DCDC1: variants seen among roughly 807,000 people sequenced by gnomAD.
DCDC1 encodes the protein doublecortin domain-containing protein 1.
Under a neutral mutation model 178.3 loss-of-function variants are expected in DCDC1, and 200 were observed. That is an observed-to-expected ratio of 1.12 (90% confidence interval 1.00 to 1.26). DCDC1 has a LOEUF of 1.26. DCDC1 is among the 50% of genes most tolerant of loss of function. The probability of loss-of-function intolerance (pLI) is 0.00; values close to 1 mark genes in which losing one functional copy is unlikely to be tolerated. For synonymous variants in DCDC1, 690 were observed against 604.8 expected (o/e 1.14, Z -2.07); for missense variants, 1,983 against 1,749.2 (o/e 1.13, Z -2.38).
At chr11:30,963,022 A>C (rs535990685) in intron 20 of DCDC1, among the ~76,000 whole-genome samples, 1 of 152,104 alleles carries the variant, frequency 6.6e-6, no homozygotes, top group Non-Finnish European at 1.5e-5. Flanking sequence ...TTCATCACCT[A>C]TCTGGGCTTG....
chr11:31,367,642 A>T (rs1371096467), intron 1 of DCDC1, among the ~76,000 whole-genome samples: 1 of 152,244 alleles, frequency 6.6e-6, no homozygotes, highest in African/African-American at 2.4e-5. Context: ...GAAATGTGCT[A>T]GTTCAAATTG....
intron 20 of DCDC1, among the ~76,000 whole-genome samples, chr11:31,036,688 T>C (rs1046898102): frequency 6.6e-6 from 1 of 152,218 alleles, no homozygotes; most frequent in Non-Finnish European, 1.5e-5. Flanking sequence ...GTCCCTTATA[T>C]ATTTTATATA....
At chr11:31,116,952 A>G (rs176372) in intron 11 of DCDC1, among the ~76,000 whole-genome samples, 106,209 of 151,938 alleles carry the variant, frequency 0.7, 38,224 homozygotes, top group East Asian at 0.96. Flanking sequence ...CCATTGTAAG[A>G]TATAGCAGAG....
At chr11:30,907,390 G>A (rs1194269892) in intron 29 of DCDC1, among the ~76,000 whole-genome samples, 1 of 152,140 alleles carries the variant, frequency 6.6e-6, no homozygotes, top group Admixed American at 6.5e-5. Flanking sequence ...CTTTTAAAAT[G>A]TGACAGTTTT....
intron 7 of DCDC1, among the ~76,000 whole-genome samples, chr11:31,279,753 C>T (rs990571179): frequency 3.3e-5 from 5 of 151,916 alleles, no homozygotes; most frequent in South Asian, 2.1e-4. Flanking sequence ...GGGGGCTAGG[C>T]GAGGGATAAC....
rs1214185020 is a variant in DCDC1, at chr11:30,891,896, CA to C, written c.5082+921del. Among the ~76,000 whole-genome samples the C allele has an allele frequency of 4.6e-5, 7 of 152,202 alleles. No individual in the cohort carries two copies. In the East Asian group the frequency reaches 1.4e-3, roughly 29 times the overall value. On this transcript the variant is annotated intron_variant, in intron 36 of 38. Transcript: ENST00000684477. ...TACACTTTGTAACTGGATTAATGTC[CA>C]GGGGCAGAACCATCTCAGGTGGCCC...
intron 17 of DCDC1, among the ~76,000 whole-genome samples, chr11:31,086,897 C>G (rs1957513797): frequency 6.6e-6 from 1 of 152,030 alleles, no homozygotes; most frequent in Admixed American, 6.6e-5. Flanking sequence ...TGCTGACCCC[C>G]TAGAATCAGA....
intron 10 of DCDC1, among the ~76,000 whole-genome samples, chr11:31,136,474 A>G (rs1401334681): frequency 6.6e-6 from 1 of 152,170 alleles, no homozygotes; most frequent in African/African-American, 2.4e-5. Context: ...TAGAATTTAC[A>G]CAGGAAAATT....
At chr11:31,036,108 T>C (rs1278933512) in intron 20 of DCDC1, among the ~76,000 whole-genome samples, 1 of 152,192 alleles carries the variant, frequency 6.6e-6, no homozygotes, top group Non-Finnish European at 1.5e-5. Flanking sequence ...CGCTGTGAAG[T>C]CGCTCTACTC....
chr11:31,325,711 A>T (rs1949609133), intron 3 of DCDC1, among the ~76,000 whole-genome samples: 3 of 152,166 alleles, frequency 2.0e-5, no homozygotes. Flanking sequence ...ATATATATAC[A>T]TATATATGTA....
At chr11:31,026,815 GA>G (rs1164603082) in intron 20 of DCDC1, among the ~76,000 whole-genome samples, 1 of 151,584 alleles carries the variant, frequency 6.6e-6, no homozygotes, top group Non-Finnish European at 1.5e-5. Flanking sequence ...CTTTTTGATG[GA>G]AAAAATATTA....
At chr11:30,903,364 A>G in intron 32 of DCDC1, 118 bp downstream of exon 32, 1 of 1,048,778 alleles carries the variant, frequency 9.5e-7, no homozygotes, top group South Asian at 2.7e-5. Flanking sequence ...CGGGTCACAA[A>G]AGTAGCTTCC....
At chr11:30,955,176 C>A (rs976590210) in intron 20 of DCDC1, among the ~76,000 whole-genome samples, 1 of 152,140 alleles carries the variant, frequency 6.6e-6, no homozygotes, top group Non-Finnish European at 1.5e-5. Flanking sequence ...CTCATTCACA[C>A]GTCAATATCT....
chr11:31,078,415 A>C (rs1054488188), intron 17 of DCDC1, among the ~76,000 whole-genome samples: 75 of 152,324 alleles, frequency 4.9e-4, no homozygotes, highest in African/African-American at 1.8e-3. Context: ...GAAAAAACTA[A>C]AATGTGATGA....
chr11:30,899,643 C>T lies in DCDC1; in HGVS notation c.4664-1G>A. 1 of 1,527,702 alleles carries T rather than the reference C, an allele frequency of 6.5e-7. No homozygotes were observed. The highest frequency in any genetic ancestry group is 8.8e-7 in the Non-Finnish European group (1 of 1,138,002). The allele number at this position is 1,527,702 out of a possible 1,614,324, so 94.6% of individuals were successfully genotyped here. On this transcript the variant is annotated splice_acceptor_variant, in intron 33 of 38. Coordinates refer to ENST00000684477, the MANE Select transcript of DCDC1 (RefSeq NM_001387274.1). LOFTEE classifies it high-confidence loss of function. ...TCTAATTTTTCTGCTTTCTGCAAAG[C>T]TAGAATAATAAAAATACAAGATATT...
At chr11:31,217,209 T>A (rs997666101) in intron 9 of DCDC1, among the ~76,000 whole-genome samples, 2 of 152,126 alleles carry the variant, frequency 1.3e-5, no homozygotes, top group African/African-American at 4.8e-5. Flanking sequence ...AGATAAATTA[T>A]GGGAAGAAGC....
intron 20 of DCDC1, among the ~76,000 whole-genome samples, chr11:31,049,905 T>C (rs2135404068): frequency 1.3e-5 from 2 of 152,244 alleles, no homozygotes; most frequent in Middle Eastern, 3.4e-3. Flanking sequence ...AGGGATCCAT[T>C]GCGAGGGTGG....
At chr11:31,144,535 AG>A (rs974936352) in intron 9 of DCDC1, among the ~76,000 whole-genome samples, 4 of 152,336 alleles carry the variant, frequency 2.6e-5, no homozygotes, top group African/African-American at 7.2e-5. Flanking sequence ...TAAAAACACC[AG>A]TTTCCCTGTA....
rs1945759022 is a variant in DCDC1 at position 31,273,719 on chromosome 11, G to A, written c.961-8119C>T. 2.6e-5 allele frequency among the ~76,000 whole-genome samples: 4 copies of A among 152,060 alleles called. No individual in the cohort carries two copies. The South Asian group carries it at 6.2e-4, about 24-fold the overall frequency. On this transcript the variant is annotated intron_variant, in intron 7 of 38. Coordinates refer to ENST00000684477, the MANE Select transcript of DCDC1 (RefSeq NM_001387274.1). ...TATCTACAGCAGCACCCCACTCTTG[G>A]TACCAATTTACTGTATTAGTCCATT...
Sources: gnomAD v4.1 joint callset for allele counts (sites outside exome capture counted in the v4.1 genomes callset) on GRCh38, gnomAD v4.1.1 for gene constraint, MANE v1.5 for transcripts, NCBI Gene and HGNC (gene_info 2026-07-23, HGNC 2026-07-21) for gene names.